Variants in TEX9 observed in about 807,000 individuals in gnomAD.
The protein encoded by TEX9 is testis-expressed protein 9.
TEX9 carries 74 observed loss-of-function variants against 59.6 expected under a neutral mutation model. That is an observed-to-expected ratio of 1.24 (90% CI 1.03 to 1.51). The LOEUF (loss-of-function observed/expected upper bound fraction) is 1.51. Among genes scored for constraint, TEX9 ranks in the 40% most tolerant of loss-of-function variants. The pLI is 0.00. For synonymous variants in TEX9, 186 were observed against 152.2 expected (o/e 1.22, Z -1.64); for missense variants, 522 against 447.8 (o/e 1.17, Z -1.49).
downstream of TEX9, chr15:56,447,137 G>C: frequency 2.0e-6 from 1 of 501,780 alleles, no homozygotes; most frequent in Non-Finnish European, 3.6e-6. Flanking sequence ...TTTTCTGGTT[G>C]AAAAGTACTG....
chr15:56,263,284 A>G (rs1434100275), intron 1 of TEX9, among the ~76,000 whole-genome samples: 1 of 152,086 alleles, frequency 6.6e-6, no homozygotes. Context: ...TGGCCTCCCA[A>G]AGTTCTGGGA....
At chr15:56,453,854 A>G in the TEX9 span, among the ~76,000 whole-genome samples, 6 of 152,180 alleles carry the variant, frequency 3.9e-5, no homozygotes, top group African/African-American at 1.4e-4. Flanking sequence ...ATAAACTTCA[A>G]TGATTTTTTA....
At chr15:56,423,163 G>T (rs529400125) in intron 10 of TEX9, among the ~76,000 whole-genome samples, 1 of 152,176 alleles carries the variant, frequency 6.6e-6, no homozygotes, top group Admixed American at 6.6e-5. Context: ...GTTCCTTGAT[G>T]TGTAAAGTCA....
At chr15:56,320,989 C>G (rs544463569) in intron 1 of TEX9, among the ~76,000 whole-genome samples, 3 of 152,262 alleles carry the variant, frequency 2.0e-5, no homozygotes, top group African/African-American at 4.8e-5. Context: ...TTTGTCAAAG[C>G]CACTTTACAA....
the TEX9 span, among the ~76,000 whole-genome samples, chr15:56,457,121 ACAATCACC>A: frequency 2.0e-5 from 3 of 152,160 alleles, no homozygotes; most frequent in South Asian, 4.1e-4. Flanking sequence ...ATATTCTGTA[ACAATCACC>A]TCTACACACA....
chr15:56,318,277 T>A (rs2095269788), intron 1 of TEX9, among the ~76,000 whole-genome samples: 1 of 152,160 alleles, frequency 6.6e-6, no homozygotes, highest in Non-Finnish European at 1.5e-5. Context: ...CTGTTAACAC[T>A]TTTTGCTTTG....
At chr15:56,418,915 G>A (rs906975259) in intron 10 of TEX9, among the ~76,000 whole-genome samples, 1 of 151,788 alleles carries the variant, frequency 6.6e-6, no homozygotes, top group African/African-American at 2.4e-5. Flanking sequence ...TAGTTCTTTT[G>A]CATTTCCATG....
At chr15:56,412,850 C>A (rs2049431045) in intron 10 of TEX9, among the ~76,000 whole-genome samples, 1 of 152,118 alleles carries the variant, frequency 6.6e-6, no homozygotes, top group Non-Finnish European at 1.5e-5. Context: ...GAGCATGTAT[C>A]AGAATCTCTG....
chr15:56,298,598 A>G (rs980921513), intron 1 of TEX9, among the ~76,000 whole-genome samples: 1 of 152,150 alleles, frequency 6.6e-6, no homozygotes, highest in Non-Finnish European at 1.5e-5. Context: ...TTACCCTGCC[A>G]TTTCCTCAAG....
chr15:56,310,439 CAAAACAAAACAA>C (rs1205804963), intron 1 of TEX9, among the ~76,000 whole-genome samples: 1 of 152,024 alleles, frequency 6.6e-6, no homozygotes, highest in Non-Finnish European at 1.5e-5. Flanking sequence ...TCTCAAAAAT[CAAAACAAAACAA>C]AAAAAGAAAC....
At chr15:56,244,171 G>C (rs1465718117) in exon 1 of TEX9, 1 of 152,184 alleles carries the variant, frequency 6.6e-6, no homozygotes, top group Non-Finnish European at 1.5e-5. Context: ...ATTTGGGCGG[G>C]GGAGGCATCT....
intron 1 of TEX9, among the ~76,000 whole-genome samples, chr15:56,352,135 C>CT: frequency 6.6e-6 from 1 of 152,324 alleles, no homozygotes. Flanking sequence ...TGTGAATGAA[C>CT]TTCATTTCCA....
At chr15:56,284,228 C>T (rs574575492) in intron 1 of TEX9, among the ~76,000 whole-genome samples, 21 of 152,202 alleles carry the variant, frequency 1.4e-4, no homozygotes, top group Admixed American at 2.6e-4. Flanking sequence ...AACTACTGAC[C>T]TCAAGTGATC....
intron 1 of TEX9, among the ~76,000 whole-genome samples, chr15:56,316,848 C>T (rs1234524505): frequency 9.9e-5 from 15 of 152,204 alleles, no homozygotes; most frequent in Admixed American, 1.3e-4. Context: ...GATATAATCT[C>T]GTGGTGCATC....
chr15:56,304,581 G>A (rs1208557676), intron 1 of TEX9, among the ~76,000 whole-genome samples: 1 of 152,078 alleles, frequency 6.6e-6, no homozygotes, highest in African/African-American at 2.4e-5. Context: ...TTGCATTCAT[G>A]GGATAAATCC....
chr15:56,269,615 A>T (rs542935514), intron 1 of TEX9, among the ~76,000 whole-genome samples: 1 of 147,256 alleles, frequency 6.8e-6, no homozygotes, highest in Non-Finnish European at 1.5e-5. Context: ...TTCAGTTTCC[A>T]TGGAGTTGTG....
chr15:56,367,662 T>C (rs975888379), intron 2 of TEX9, among the ~76,000 whole-genome samples: 3 of 152,232 alleles, frequency 2.0e-5, no homozygotes, highest in Non-Finnish European at 4.4e-5. Context: ...AACTGACTTA[T>C]TTATGCTATT....
At chr15:56,308,609 A>T (rs1195782938) in intron 1 of TEX9, among the ~76,000 whole-genome samples, 1 of 152,048 alleles carries the variant, frequency 6.6e-6, no homozygotes, top group East Asian at 1.9e-4. Context: ...TGCTTTTGGT[A>T]TCATATCTAA....
upstream of TEX9, among the ~76,000 whole-genome samples, chr15:56,363,834 T>G (rs2046838612): frequency 6.7e-6 from 1 of 149,460 alleles, no homozygotes; most frequent in Admixed American, 6.6e-5. Context: ...CCAGCTAATT[T>G]TTATTTATCT....
Sources: gnomAD v4.1 joint callset for allele counts (sites outside exome capture counted in the v4.1 genomes callset) on GRCh38, gnomAD v4.1.1 for gene constraint, MANE v1.5 for transcripts, NCBI Gene and HGNC (gene_info 2026-07-23, HGNC 2026-07-21) for gene names.